PCNX1: variants seen among roughly 807,000 people sequenced by gnomAD.
PCNX1 encodes pecanex 1.
Under a neutral mutation model 242.2 loss-of-function variants are expected in PCNX1, and 78 were observed. The ratio of observed to expected loss-of-function variants is 0.32; its 90% CI spans 0.27 to 0.39. The LOEUF (loss-of-function observed/expected upper bound fraction) is 0.39. Among genes scored for constraint, PCNX1 ranks in the 10% least tolerant of loss-of-function variants. The pLI, the probability that PCNX1 is intolerant of heterozygous loss-of-function variation, is 1.00. For synonymous variants in PCNX1, 1,024 were observed against 1,032.9 expected (o/e 0.99, Z 0.17); for missense variants, 2,581 against 2,856.5 (o/e 0.90, Z 2.20).
At chr14:71,072,921 C>A (rs1033168577) in intron 26 of PCNX1, among the ~76,000 whole-genome samples, 3 of 152,154 alleles carry the variant, frequency 2.0e-5, no homozygotes, top group Middle Eastern at 3.2e-3. Context: ...ACTCTTTGGT[C>A]CTTCATTTGA....
chr14:70,969,046 T>C lies in PCNX1; in HGVS notation c.540T>C (p.Ser180=). 6.2e-7 allele frequency: 1 copy of C among 1,608,698 alleles called. No individual in the cohort carries two copies. Among genetic ancestry groups the C allele is most frequent in the Non-Finnish European group, 8.5e-7 (1 of 1,175,186 alleles). ...IKGDTDTAKT[S]DDISLSLGQS... ...GAGATACAGACACTGCTAAGACTTC[T>C]GATGATATCAGTTTAAGTCTGGGCC... The change falls in exon 5 of 36, where the codon TCT becomes TCC. Residue 180 remains serine, a synonymous_variant. Coordinates refer to ENST00000304743, the MANE Select transcript of PCNX1 (RefSeq NM_014982.3).
chr14:71,039,532 C>T (rs1389867392), intron 19 of PCNX1, among the ~76,000 whole-genome samples: 1 of 152,186 alleles, frequency 6.6e-6, no homozygotes, highest in Non-Finnish European at 1.5e-5. Context: ...TCTTTTATAA[C>T]CTGGTATTGG....
chr14:71,078,410 T>G (rs1401052975), intron 28 of PCNX1, among the ~76,000 whole-genome samples: 1 of 152,182 alleles, frequency 6.6e-6, no homozygotes, highest in Non-Finnish European at 1.5e-5. Flanking sequence ...TTCAAGATAG[T>G]GTAAGATTGA....
chr14:70,969,292 T>A, intron 5 of PCNX1, 182 bp downstream of exon 5: 1 of 524,594 alleles, frequency 1.9e-6, no homozygotes. Context: ...TTAGCTTACT[T>A]GAACTCAGTT....
At chr14:70,965,724 G>C (rs2058359139) in intron 3 of PCNX1, among the ~76,000 whole-genome samples, 1 of 149,190 alleles carries the variant, frequency 6.7e-6, no homozygotes, top group Non-Finnish European at 1.5e-5. Flanking sequence ...TAGAGAAGAA[G>C]AGCTAATGAT....
chr14:71,004,832 T>C (rs937894417), intron 8 of PCNX1, among the ~76,000 whole-genome samples: 1 of 152,208 alleles, frequency 6.6e-6, no homozygotes, highest in Non-Finnish European at 1.5e-5. Flanking sequence ...TCAGATTATT[T>C]CTTGAATAAC....
chr14:71,059,152 A>G (rs2061260049), intron 26 of PCNX1, among the ~76,000 whole-genome samples: 1 of 152,188 alleles, frequency 6.6e-6, no homozygotes, highest in Admixed American at 6.5e-5. Flanking sequence ...TCTTCTTACC[A>G]TCTGCTCACT....
intron 1 of PCNX1, among the ~76,000 whole-genome samples, chr14:70,927,556 A>C (rs1412019098): frequency 2.6e-5 from 4 of 151,418 alleles, no homozygotes; most frequent in African/African-American, 7.3e-5. Flanking sequence ...TATCTTATTG[A>C]TTTTCATTCT....
chr14:71,075,130 GACT>G (rs1315954339), intron 27 of PCNX1, among the ~76,000 whole-genome samples: 1 of 151,618 alleles, frequency 6.6e-6, no homozygotes, highest in Non-Finnish European at 1.5e-5. Flanking sequence ...GAGTAACTGG[GACT>G]ACAGGTGCAT....
chr14:71,102,195 G>A lies in PCNX1; in HGVS notation c.5795G>A (p.Arg1932His), dbSNP rs1277354863. Residue 1932 changes from arginine to histidine, a missense_variant, in exon 31 of 36, where the codon CGC (arginine) becomes CAC (histidine). Around this residue, in one of 9 missense-constraint regions of PCNX1, gnomAD observed 298 missense variants for 480.1 expected, o/e 0.62. Transcript: ENST00000304743. ...NEYKIIMLNRRYLSFRVIKVN... is the reference protein window; with the variant it reads ...NEYKIIMLNRHYLSFRVIKVN... ...TATAAAATCATCATGCTCAACAGAC[G>A]CTACCTGAGCTTCAGGGTCATTAAA... 1.9e-6 allele frequency: 3 copies of A among 1,612,122 alleles called. No homozygotes were observed. Among genetic ancestry groups the A allele is most frequent in the Non-Finnish European group, 2.5e-6 (3 of 1,178,368 alleles).
chr14:70,978,667 G>A lies in PCNX1; in HGVS notation c.2311+19G>A. 6.3e-7 allele frequency: 1 copy of A among 1,584,252 alleles called. No individual in the cohort carries two copies. The highest frequency in any genetic ancestry group is 8.6e-7 in the Non-Finnish European group (1 of 1,166,746). On this transcript the variant is annotated intron_variant, in intron 6 of 35. Coordinates refer to ENST00000304743, the MANE Select transcript of PCNX1 (RefSeq NM_014982.3). ...AGTGGAGGTAAGTAAACTGTAAGAA[G>A]AGATTTCTGTAAGACTCACTGCTTT...
At chr14:71,012,818 CAAA>C (rs10557318) in intron 10 of PCNX1, 164 bp from the exon 11 acceptor site, 1,907 of 448,910 alleles carry the variant, frequency 4.2e-3, no homozygotes, top group East Asian at 5.3e-3. Context: ...GACTCTGTCT[CAAA>C]AAAAAAAAAA....
Position 71,019,061 on chromosome 14 carries a change from G to A in PCNX1, c.3049G>A (p.Ala1017Thr), listed in dbSNP as rs193920949. 6.2e-7 allele frequency: 1 copy of A among 1,613,180 alleles called. No individual in the cohort carries two copies. The highest frequency in any genetic ancestry group is 1.3e-5 in the African/African-American group (1 of 74,954). The part of the protein sequence containing the change: ...VLAVILAILV[A>T]FLGSILLIQG... ...AGCTGTCATCCTGGCTATTCTCGTG[G>A]CCTTTTTGGGATCTATTCTTCTCAT... Residue 1017 changes from alanine (A) to threonine (T), a missense_variant, in exon 12 of 36, where the codon GCC becomes ACC. Physicochemically the swap from Ala to Thr is moderately conservative, Grantham distance 58. Around this residue, in one of 9 missense-constraint regions of PCNX1, gnomAD observed 55 missense variants for 49.8 expected, o/e 1.10. Coordinates refer to ENST00000304743, the MANE Select transcript of PCNX1 (RefSeq NM_014982.3).
At chr14:71,038,540 A>G (rs953903011) in intron 19 of PCNX1, among the ~76,000 whole-genome samples, 1 of 152,104 alleles carries the variant, frequency 6.6e-6, no homozygotes, top group African/African-American at 2.4e-5. Flanking sequence ...ATCTCACACC[A>G]GTTAGAATGG....
chr14:71,028,817 T>C, intron 16 of PCNX1, 26 bp downstream of exon 16: 1 of 1,361,108 alleles, frequency 7.3e-7, no homozygotes, highest in Non-Finnish European at 1.0e-6. Flanking sequence ...TAGTATGTTT[T>C]GTCTTTAAGG....
intron 33 of PCNX1, among the ~76,000 whole-genome samples, chr14:71,107,156 T>C (rs2062647581): frequency 6.6e-6 from 1 of 152,080 alleles, no homozygotes; most frequent in Non-Finnish European, 1.5e-5. Flanking sequence ...TATGAAGAAG[T>C]TGATCCTCTC....
In PCNX1 at chr14:71,050,769, C is replaced by T; in HGVS notation, c.4447+9C>T. ...GCCTTTTGCAGTGCCTCGTATCCTT[C>T]TAATTAAAGTTTTATAAGAATGGAC... On this transcript the variant is annotated intron_variant, in intron 23 of 35. Transcript: ENST00000304743. 1 of 1,609,782 alleles carries T rather than the reference C, an allele frequency of 6.2e-7. No individual in the cohort carries two copies. Among genetic ancestry groups the T allele is most frequent in the Non-Finnish European group, 8.5e-7 (1 of 1,178,434 alleles).
rs1182928265 is a variant in PCNX1, at chr14:71,050,760, C to G, written c.4447C>G (p.His1483Asp). ...HAFAQPFAVP[H>D]SAMLFIQAAV... ...TTTTGCTCAGCCTTTTGCAGTGCCT[C>G]GTATCCTTCTAATTAAAGTTTTATA... Residue 1483 changes from histidine to aspartate, a missense_variant and splice_region_variant, in exon 23 of 36, where the codon CAT (histidine) becomes GAT (aspartate). Physicochemically the swap from His to Asp is moderately conservative, Grantham distance 81. Transcript: ENST00000304743. 6.2e-7 allele frequency: 1 copy of G among 1,612,386 alleles called. No individual in the cohort carries two copies. Among genetic ancestry groups the G allele is most frequent in the Non-Finnish European group, 8.5e-7 (1 of 1,179,366 alleles).
intron 1 of PCNX1, among the ~76,000 whole-genome samples, chr14:70,940,155 A>G (rs1181808098): frequency 6.6e-6 from 1 of 152,064 alleles, no homozygotes; most frequent in African/African-American, 2.4e-5. Flanking sequence ...GTTATGTGTG[A>G]TTTTGATCCT....
Sources: gnomAD v4.1 joint callset for allele counts (sites outside exome capture counted in the v4.1 genomes callset) on GRCh38, gnomAD v4.1.1 for gene constraint, gnomAD v4.1.1 regional missense constraint, MANE v1.5 for transcripts, NCBI Gene and HGNC (gene_info 2026-07-23, HGNC 2026-07-21) for gene names.